The following GRXCR1 variants were observed in gnomAD, a reference collection of about 807,000 sequenced individuals.
The protein encoded by GRXCR1 is glutaredoxin domain-containing cysteine-rich protein 1.
A neutral mutation model predicts 27.3 loss-of-function variants in GRXCR1; 27 were observed. The ratio of observed to expected loss-of-function variants is 0.99; its 90% CI spans 0.73 to 1.37. The LOEUF is 1.37. Ranked by LOEUF, GRXCR1 falls within the 40% of genes most tolerant of loss-of-function variation. GRXCR1 has a pLI of 0.00. For synonymous variants in GRXCR1, 122 were observed against 131.1 expected (o/e 0.93, Z 0.47); for missense variants, 379 against 354.4 (o/e 1.07, Z -0.56).
At chr4:42,904,221 C>T (rs910200653) in intron 1 of GRXCR1, among the ~76,000 whole-genome samples, 1 of 152,176 alleles carries the variant, frequency 6.6e-6, no homozygotes, top group Non-Finnish European at 1.5e-5. Context: ...TACACTGATG[C>T]TGCAGGCAGT....
intron 2 of GRXCR1, among the ~76,000 whole-genome samples, chr4:43,017,110 T>C (rs573267666): frequency 6.6e-5 from 10 of 152,194 alleles, no homozygotes; most frequent in Non-Finnish European, 1.3e-4. Flanking sequence ...CTGAATAAGA[T>C]GCAATGCTGA....
At chr4:42,972,715 G>A (rs141276615) in intron 2 of GRXCR1, among the ~76,000 whole-genome samples, 2 of 152,252 alleles carry the variant, frequency 1.3e-5, no homozygotes, top group African/African-American at 4.8e-5. Flanking sequence ...TAAGCTTAGA[G>A]AAGCTAAGAC....
At chr4:42,945,540 G>C (rs1747723259) in intron 1 of GRXCR1, among the ~76,000 whole-genome samples, 1 of 152,074 alleles carries the variant, frequency 6.6e-6, no homozygotes, top group Admixed American at 6.6e-5. Context: ...TGAAAATAGA[G>C]AGAAAGATGC....
intron 2 of GRXCR1, among the ~76,000 whole-genome samples, chr4:42,989,685 C>T (rs1193687399): frequency 6.6e-6 from 1 of 152,168 alleles, no homozygotes; most frequent in East Asian, 1.9e-4. Context: ...AGAAGGGTCA[C>T]ATTATGTACT....
intron 3 of GRXCR1, among the ~76,000 whole-genome samples, chr4:43,026,673 C>T (rs1713267563): frequency 6.6e-6 from 1 of 152,146 alleles, no homozygotes; most frequent in Non-Finnish European, 1.5e-5. Context: ...AGAGGGAAGA[C>T]CATAGATTTT....
At chr4:42,942,093 G>T (rs1215123682) in intron 1 of GRXCR1, among the ~76,000 whole-genome samples, 2 of 151,986 alleles carry the variant, frequency 1.3e-5, no homozygotes, top group Admixed American at 6.6e-5. Context: ...AATTATCTGT[G>T]TGGGACTAGA....
intron 1 of GRXCR1, among the ~76,000 whole-genome samples, chr4:42,902,043 T>C (rs1351639703): frequency 1.3e-5 from 2 of 152,218 alleles, no homozygotes; most frequent in Non-Finnish European, 2.9e-5. Flanking sequence ...TTTAATTTTA[T>C]TATGTTAGTC....
intron 1 of GRXCR1, among the ~76,000 whole-genome samples, chr4:42,938,917 G>A (rs1183671550): frequency 6.6e-6 from 1 of 151,546 alleles, no homozygotes; most frequent in African/African-American, 2.4e-5. Context: ...TAGCTCTGTA[G>A]TATCATTTGA....
At chr4:42,998,417 A>G (rs1490780341) in intron 2 of GRXCR1, among the ~76,000 whole-genome samples, 2 of 152,248 alleles carry the variant, frequency 1.3e-5, no homozygotes, top group African/African-American at 4.8e-5. Flanking sequence ...AATTAAGTAG[A>G]GTATAAATAC....
chr4:42,977,563 A>G (rs376218927), intron 2 of GRXCR1, among the ~76,000 whole-genome samples: 3 of 151,806 alleles, frequency 2.0e-5, no homozygotes, highest in African/African-American at 7.3e-5. Context: ...AACAATCAAC[A>G]ATGTTGAACA....
At chr4:42,903,902 C>A (rs1746525276) in intron 1 of GRXCR1, among the ~76,000 whole-genome samples, 1 of 152,086 alleles carries the variant, frequency 6.6e-6, no homozygotes, top group South Asian at 2.1e-4. Context: ...AGCTGCCTAC[C>A]CATCCTGCAT....
chr4:42,958,487 A>G (rs1748059237), intron 1 of GRXCR1, among the ~76,000 whole-genome samples: 1 of 151,962 alleles, frequency 6.6e-6, no homozygotes, highest in Admixed American at 6.6e-5. Flanking sequence ...CCTTGATATC[A>G]CCCCTGGCAA....
chr4:42,920,330 C>T (rs1162246071), intron 1 of GRXCR1, among the ~76,000 whole-genome samples: 1 of 151,202 alleles, frequency 6.6e-6, no homozygotes, highest in Non-Finnish European at 1.5e-5. Flanking sequence ...CTCATTCAGC[C>T]AAAAAGCCTT....
chr4:42,915,849 C>G (rs113350290), intron 1 of GRXCR1, among the ~76,000 whole-genome samples: 24 of 152,032 alleles, frequency 1.6e-4, no homozygotes, highest in African/African-American at 4.6e-4. Context: ...ACATGAATGT[C>G]ATGTTTAGAT....
At chr4:42,934,320 G>A (rs1186356681) in intron 1 of GRXCR1, among the ~76,000 whole-genome samples, 1 of 151,474 alleles carries the variant, frequency 6.6e-6, no homozygotes. Context: ...GAGATACTAA[G>A]CAGTAAAAAG....
At position 42,949,374 on chromosome 4, in the gene GRXCR1, AAAC is replaced by A. The variant is rs1376241220; in HGVS notation, c.385-13514_385-13512del. On this transcript the variant is annotated intron_variant, in intron 1 of 3. Coordinates refer to ENST00000399770, the MANE Select transcript of GRXCR1 (RefSeq NM_001080476.3). ...CATCTCAAAAAAAAAAAAAAAAAAA[AAAC>A]AACTTTAAAATTCATAAATCCTGTA... is the stretch of plus-strand genomic sequence containing the variant. Among the ~76,000 whole-genome samples, 152 of 144,236 alleles carry A rather than the reference AAAC, an allele frequency of 1.1e-3. 1 individual carries two copies. The highest frequency in any genetic ancestry group is 1.7e-3 in the East Asian group (8 of 4,662). 94.6% of individuals were successfully genotyped at this position (144,236 alleles called of 152,430 possible).
chr4:42,918,737 C>T (rs1418201909), intron 1 of GRXCR1, among the ~76,000 whole-genome samples: 1 of 152,028 alleles, frequency 6.6e-6, no homozygotes, highest in Non-Finnish European at 1.5e-5. Context: ...GACTATGCTC[C>T]CTTTTTGACA....
chr4:43,027,406 G>T (rs769199995), intron 3 of GRXCR1, among the ~76,000 whole-genome samples: 55 of 152,156 alleles, frequency 3.6e-4, no homozygotes, highest in Non-Finnish European at 7.2e-4. Context: ...CTGACAAGGG[G>T]ATAAATTATG....
intron 1 of GRXCR1, among the ~76,000 whole-genome samples, chr4:42,942,691 CTG>C (rs1747651881): frequency 6.6e-6 from 1 of 152,068 alleles, no homozygotes; most frequent in African/African-American, 2.4e-5. Context: ...GGTCTGGGAC[CTG>C]CATCACAGGA....
Sources: allele counts gnomAD v4.1 joint callset (sites outside exome capture counted in the v4.1 genomes callset), GRCh38; gene constraint gnomAD v4.1.1; transcripts MANE v1.5; gene names NCBI Gene and HGNC (gene_info 2026-07-23, HGNC 2026-07-21).